The following NEK10 variants were observed in gnomAD, a reference collection of about 807,000 sequenced individuals.
The protein encoded by NEK10 is NIMA related kinase 10, also known as serine/threonine-protein kinase Nek10.
A neutral mutation model predicts 159.8 loss-of-function variants in NEK10; 122 were observed. The ratio of observed to expected loss-of-function variants is 0.76; its 90% confidence interval spans 0.66 to 0.89. The LOEUF (loss-of-function observed/expected upper bound fraction) is 0.89, where lower values mean the gene tolerates loss of function less well. Ranked by LOEUF, NEK10 falls within the 40% of genes least tolerant of loss-of-function variation. NEK10 has a pLI of 0.00. For synonymous variants in NEK10, 466 were observed against 457.1 expected (o/e 1.02, Z -0.25); for missense variants, 1,342 against 1,323.1 (o/e 1.01, Z -0.22).
intron 23 of NEK10, among the ~76,000 whole-genome samples, chr3:27,220,084 T>G (rs1951939450): frequency 6.6e-6 from 1 of 152,162 alleles, no homozygotes; most frequent in African/African-American, 2.4e-5. Flanking sequence ...AAGACCTAAA[T>G]AAATGGAAAG....
rs956643517 is a variant in NEK10 at position 27,107,373 on chromosome 3, A to C, written c.*3899T>G. Among the ~76,000 whole-genome samples the C allele has an allele frequency of 6.6e-6, 1 of 152,174 alleles. No individual in the cohort carries two copies. The highest frequency in any genetic ancestry group is 1.5e-5 in the Non-Finnish European group (1 of 68,028). ...GCAATTTACTGTAATGACACACATA[A>C]GAATTCCTTTATCACAAAGCTGTTT... On this transcript the variant is annotated 3_prime_UTR_variant, in exon 36 of 36. Transcript: ENST00000691995.
At chr3:27,111,462 A>G in intron 35 of NEK10, 142 bp from the exon 36 acceptor site, 2 of 656,574 alleles carry the variant, frequency 3.0e-6, no homozygotes, top group Non-Finnish European at 4.9e-6. Flanking sequence ...TAGGATGGGG[A>G]CATTTTTAAA....
chr3:27,284,340 C>T (rs531067810), intron 22 of NEK10, among the ~76,000 whole-genome samples: 5 of 152,224 alleles, frequency 3.3e-5, no homozygotes, highest in African/African-American at 1.2e-4. Context: ...GAGCTGAGAT[C>T]GTACCACTGC....
Position 27,301,793 on chromosome 3 carries a change from CAGGCTTCCAATGG to C in NEK10, c.1058_1070del (p.Ser353CysfsTer19). ...TTCGGCCTGCAGCATTTGCACTGGA[CAGGCTTCCAATGG>C]AGGAGTGATCAGAAACAAAATTTCT... On this transcript the variant is annotated frameshift_variant, in exon 13 of 36. Transcript: ENST00000691995. LOFTEE classifies it high-confidence loss of function. The C allele has an allele frequency of 6.4e-7, 1 of 1,556,558 alleles. No homozygotes were observed. Among genetic ancestry groups the C allele is most frequent in the Non-Finnish European group, 8.7e-7 (1 of 1,149,288 alleles).
intron 32 of NEK10, among the ~76,000 whole-genome samples, chr3:27,123,844 C>G (rs1370366806): frequency 6.6e-6 from 1 of 151,684 alleles, no homozygotes; most frequent in East Asian, 1.9e-4. Context: ...AAAGCATGTA[C>G]AAGACTACGA....
At position 27,145,849 on chromosome 3, in the gene NEK10, G is replaced by C. The variant is rs1266089384; in HGVS notation, c.2870-4267C>G. ...AGGCAATGGCATTTGGAGGAAGTGA[G>C]CTTGGGAGGTGATTAGGTCCTAAGG... On this transcript the variant is annotated intron_variant, in intron 30 of 35. Transcript: ENST00000691995. 7.4e-3 allele frequency among the ~76,000 whole-genome samples: 1,123 copies of C among 152,198 alleles called. 5 individuals are homozygous for C. The highest frequency in any genetic ancestry group is 0.011 in the Non-Finnish European group (763 of 68,008).
In NEK10 at chr3:27,346,126, A is replaced by G. The variant is rs764938999; in HGVS notation, c.223T>C (p.Trp75Arg). 16 of 1,613,668 alleles carry G rather than the reference A, an allele frequency of 9.9e-6. No homozygotes were observed. In the South Asian group the frequency reaches 1.8e-4, roughly 18 times the overall value. Reference sequence around the variant, plus strand: ...TCAACAGCTTCTGTGGATTCATGCCACTGACCCCGAGCTCTGTGTCCACCC... The same window carrying G: ...TCAACAGCTTCTGTGGATTCATGCCGCTGACCCCGAGCTCTGTGTCCACCC... ...RAGGHRARGQ[W>R]HESTEAVELE... Residue 75 changes from tryptophan (W) to arginine (R), a missense_variant, in exon 4 of 36, where the codon TGG (tryptophan) becomes CGG (arginine). Transcript: ENST00000691995.
chr3:27,338,644 T>C (rs778444116), intron 5 of NEK10, among the ~76,000 whole-genome samples: 27 of 152,252 alleles, frequency 1.8e-4, no homozygotes, highest in African/African-American at 6.0e-4. Context: ...TAATATCTCA[T>C]TGTGGTTTTG....
intron 13 of NEK10, among the ~76,000 whole-genome samples, chr3:27,301,104 C>G (rs642570): frequency 0.4 from 60,685 of 152,004 alleles, 15,798 homozygotes; most frequent in African/African-American, 0.75. Flanking sequence ...GCACTCAGAC[C>G]GCACTGTAGC....
At chr3:27,131,359 G>T (rs979992498) in intron 32 of NEK10, among the ~76,000 whole-genome samples, 28 of 152,108 alleles carry the variant, frequency 1.8e-4, no homozygotes, top group African/African-American at 6.8e-4. Flanking sequence ...CTGCCCAGTT[G>T]ATTTAGTATT....
intron 11 of NEK10, among the ~76,000 whole-genome samples, chr3:27,306,676 C>T (rs1351469259): frequency 6.6e-6 from 1 of 152,112 alleles, no homozygotes; most frequent in African/African-American, 2.4e-5. Context: ...TGTCTTGTTG[C>T]CTTATCTATA....
intron 23 of NEK10, among the ~76,000 whole-genome samples, chr3:27,250,570 A>G (rs182046687): frequency 4.5e-4 from 68 of 151,154 alleles, no homozygotes; most frequent in Non-Finnish European, 7.5e-4. Context: ...TGATTGAAGA[A>G]CCCCCTTTAG....
At chr3:27,200,534 A>C (rs1393455163) in intron 25 of NEK10, among the ~76,000 whole-genome samples, 2 of 152,198 alleles carry the variant, frequency 1.3e-5, no homozygotes, top group Non-Finnish European at 2.9e-5. Context: ...TATTCATACA[A>C]GCAATATTTA....
At chr3:27,368,065 G>A in intron 1 of NEK10, among the ~76,000 whole-genome samples, 1 of 152,094 alleles carries the variant, frequency 6.6e-6, no homozygotes, top group East Asian at 1.9e-4. Flanking sequence ...GGCTGAGGCG[G>A]GTGGATCACC....
chr3:27,111,499 C>T (rs373933123), intron 35 of NEK10, among the ~76,000 whole-genome samples, 179 bp from the exon 36 acceptor site: 8 of 152,188 alleles, frequency 5.3e-5, no homozygotes, highest in African/African-American at 1.9e-4. Flanking sequence ...AAGTCTGGTG[C>T]TAACAAGGCC....
intron 30 of NEK10, among the ~76,000 whole-genome samples, chr3:27,155,307 T>C (rs1198390836): frequency 6.6e-6 from 1 of 151,674 alleles, no homozygotes; most frequent in African/African-American, 2.4e-5. Context: ...ATCGAGACCA[T>C]CCTGGCCAAC....
chr3:27,233,510 C>A (rs576020090), intron 23 of NEK10, among the ~76,000 whole-genome samples: 28 of 152,060 alleles, frequency 1.8e-4, no homozygotes, highest in African/African-American at 6.5e-4. Flanking sequence ...ACATAAAGAA[C>A]CAAAAGTAGA....
chr3:27,222,034 G>GA (rs1952151847), intron 23 of NEK10, among the ~76,000 whole-genome samples: 1 of 152,188 alleles, frequency 6.6e-6, no homozygotes, highest in African/African-American at 2.4e-5. Flanking sequence ...GGGGAAGTAG[G>GA]ATGAAGAGGA....
At chr3:27,234,696 A>C (rs189982756) in intron 23 of NEK10, among the ~76,000 whole-genome samples, 131 of 152,264 alleles carry the variant, frequency 8.6e-4, no homozygotes, top group African/African-American at 3.0e-3. Flanking sequence ...GCCCAAAGCA[A>C]TTCATACATT....
Sources: allele counts gnomAD v4.1 joint callset (sites outside exome capture counted in the v4.1 genomes callset), GRCh38; gene constraint gnomAD v4.1.1; transcripts MANE v1.5; gene names NCBI Gene and HGNC (gene_info 2026-07-23, HGNC 2026-07-21).